Variants in PDE11A observed in about 807,000 individuals in gnomAD.
PDE11A encodes the protein phosphodiesterase 11A.
PDE11A carries 100 observed loss-of-function variants against 100.5 expected under a neutral mutation model. That is an observed-to-expected ratio of 1.00 (90% CI 0.85 to 1.18). PDE11A has a LOEUF of 1.18. Ranked by LOEUF, PDE11A falls within the 50% of genes most tolerant of loss-of-function variation. The pLI is 0.00. For missense variants in PDE11A, 1,141 were observed against 1,152.6 expected (o/e 0.99, Z 0.15); for synonymous variants, 381 against 420.8 (o/e 0.91, Z 1.16).
At chr2:178,046,786 T>C (rs1036590893) in intron 1 of PDE11A, among the ~76,000 whole-genome samples, 2 of 152,170 alleles carry the variant, frequency 1.3e-5, no homozygotes, top group African/African-American at 4.8e-5. Flanking sequence ...AAGTGGTAAA[T>C]TTATTTCTGT....
intron 10 of PDE11A, among the ~76,000 whole-genome samples, chr2:177,756,697 T>C (rs1016685763): frequency 3.3e-5 from 5 of 152,226 alleles, no homozygotes; most frequent in African/African-American, 7.2e-5. Context: ...AGCACAGGAA[T>C]TGTTTGAAAT....
intron 19 of PDE11A, among the ~76,000 whole-genome samples, chr2:177,631,605 G>GTATA (rs1203352574): frequency 9.9e-6 from 1 of 101,252 alleles, no homozygotes; most frequent in African/African-American, 4.5e-5. Context: ...ATATATGTGT[G>GTATA]TATATATATA....
chr2:177,944,221 C>G (rs1009593508), intron 2 of PDE11A, among the ~76,000 whole-genome samples: 1 of 152,188 alleles, frequency 6.6e-6, no homozygotes, highest in Non-Finnish European at 1.5e-5. Flanking sequence ...CCCATCTTTT[C>G]CTTCCATCCT....
rs376362908 is a variant in PDE11A at position 177,829,090 on chromosome 2, A to G, written c.1501-8795T>C. 2.0e-5 allele frequency among the ~76,000 whole-genome samples: 3 copies of G among 152,190 alleles called. No homozygotes were observed. In the East Asian group the frequency reaches 5.8e-4, roughly 29 times the overall value. ...TGGACTTCCTGATGAATTCATGTTCAACATCAGAGAAAGGGAGAATCATGC... is the reference window on the plus strand; with the variant it reads ...TGGACTTCCTGATGAATTCATGTTCGACATCAGAGAAAGGGAGAATCATGC... On this transcript the variant is annotated intron_variant, in intron 6 of 19. Transcript: ENST00000286063.
intron 2 of PDE11A, chr2:177,998,482 G>A (rs1270438265): frequency 5.8e-6 from 8 of 1,368,816 alleles, no homozygotes; most frequent in South Asian, 3.5e-5. Flanking sequence ...TCTGCCACTC[G>A]AGGAAGATTT....
intron 2 of PDE11A, among the ~76,000 whole-genome samples, chr2:178,008,119 T>TC (rs1369000545): frequency 6.6e-6 from 1 of 152,224 alleles, no homozygotes; most frequent in Non-Finnish European, 1.5e-5. Flanking sequence ...AATTAGTTAT[T>TC]CTTTTTTTAG....
rs115808214 is a variant in PDE11A, at chr2:177,744,659, T to C, written c.1789-16487A>G. 6.2e-3 allele frequency among the ~76,000 whole-genome samples: 942 copies of C among 152,332 alleles called. 5 individuals are homozygous for C. Among genetic ancestry groups the C allele is most frequent in the African/African-American group, 0.022 (899 of 41,574 alleles). Reference sequence around the variant, plus strand: ...GTATTATTTCCAGTATCCACTTTCCTACATGTGAGAGGATTCTACATAAGC... The same window carrying C: ...GTATTATTTCCAGTATCCACTTTCCCACATGTGAGAGGATTCTACATAAGC... On this transcript the variant is annotated intron_variant, in intron 10 of 19. Transcript: ENST00000286063.
intron 10 of PDE11A, among the ~76,000 whole-genome samples, chr2:177,743,415 T>C (rs1054264368): frequency 1.3e-4 from 20 of 152,104 alleles, no homozygotes; most frequent in African/African-American, 4.6e-4. Flanking sequence ...GAGAAAGAAA[T>C]TGGGTCATCA....
intron 19 of PDE11A, among the ~76,000 whole-genome samples, chr2:177,656,353 T>C (rs911060027): frequency 6.6e-6 from 1 of 152,230 alleles, no homozygotes; most frequent in East Asian, 1.9e-4. Context: ...CTGGGAGCAA[T>C]AGGCTATCCC....
chr2:177,918,410 T>C lies in PDE11A; in HGVS notation c.1072-13223A>G, dbSNP rs201028519. 5.3e-5 allele frequency among the ~76,000 whole-genome samples: 8 copies of C among 152,180 alleles called. No homozygotes were observed. In the East Asian group the frequency reaches 1.4e-3, roughly 26 times the overall value. Reference sequence around the variant, plus strand: ...TATTTATTTTGAGGGCTCAATTACATACAAAGTAAGCAGAAAGAATAAATG... The same window carrying C: ...TATTTATTTTGAGGGCTCAATTACACACAAAGTAAGCAGAAAGAATAAATG... On this transcript the variant is annotated intron_variant, in intron 2 of 19. Transcript: ENST00000286063.
chr2:177,782,355 C>CA (rs1321220013), intron 9 of PDE11A, among the ~76,000 whole-genome samples: 2 of 151,976 alleles, frequency 1.3e-5, no homozygotes, highest in African/African-American at 4.8e-5. Context: ...ATTAAGTTGC[C>CA]AAAAAGTGGT....
intron 1 of PDE11A, among the ~76,000 whole-genome samples, chr2:178,050,186 T>C (rs4302244): frequency 0.29 from 43,139 of 151,192 alleles, 5,952 homozygotes; most frequent in Non-Finnish European, 0.31. Context: ...ACATTTGCCG[T>C]TCTGCAATAT....
rs116138713 is a variant in PDE11A, at chr2:177,856,565, G to A, written c.1368-16182C>T. On this transcript the variant is annotated intron_variant, in intron 5 of 19. Coordinates refer to ENST00000286063, the MANE Select transcript of PDE11A (RefSeq NM_016953.4). ...ACTGAAAGGAAAATATGAGAAGGCT[G>A]TCTCCCAAATAAATAATATCAATAA... 7.3e-3 allele frequency among the ~76,000 whole-genome samples: 1,104 copies of A among 152,046 alleles called. 13 individuals are homozygous for A. Among genetic ancestry groups the A allele is most frequent in the African/African-American group, 0.025 (1,028 of 41,492 alleles).
chr2:177,856,297 T>C (rs1394158294), intron 5 of PDE11A, among the ~76,000 whole-genome samples: 1 of 151,992 alleles, frequency 6.6e-6, no homozygotes, highest in East Asian at 1.9e-4. Context: ...CAACAAACAT[T>C]AGATCGTGGG....
intron 1 of PDE11A, among the ~76,000 whole-genome samples, chr2:178,059,531 C>T (rs2086941401): frequency 6.6e-6 from 1 of 152,168 alleles, no homozygotes; most frequent in African/African-American, 2.4e-5. Flanking sequence ...CTAGAAAGAC[C>T]CCTGTTTTCA....
At chr2:177,636,224 G>A (rs1000837988) in intron 19 of PDE11A, among the ~76,000 whole-genome samples, 1 of 152,124 alleles carries the variant, frequency 6.6e-6, no homozygotes, top group Non-Finnish European at 1.5e-5. Flanking sequence ...GGTGGGTAGA[G>A]CTAAGAAGGA....
intron 2 of PDE11A, among the ~76,000 whole-genome samples, chr2:178,086,849 CACTA>C (rs1008185999): frequency 1.3e-5 from 2 of 152,172 alleles, no homozygotes; most frequent in Non-Finnish European, 2.9e-5. Context: ...TGAGGACTAA[CACTA>C]ACTGTTTGAC....
intron 10 of PDE11A, among the ~76,000 whole-genome samples, chr2:177,768,676 C>T (rs1275218892): frequency 6.6e-6 from 1 of 152,150 alleles, no homozygotes; most frequent in Non-Finnish European, 1.5e-5. Flanking sequence ...ATCTAACACT[C>T]ATTCATAGAC....
Position 177,856,684 on chromosome 2 carries a change from A to C in PDE11A, c.1368-16301T>G, listed in dbSNP as rs139885850. On this transcript the variant is annotated intron_variant, in intron 5 of 19. Transcript: ENST00000286063. The stretch of plus-strand genomic sequence containing the variant: ...AAAATTCACTAGGCTACCCAACAGC[A>C]TGTTTGAAAAGGCAGAAAAAAGCAT... 9.7e-3 allele frequency among the ~76,000 whole-genome samples: 1,474 copies of C among 152,220 alleles called. 21 individuals carry two copies. The highest frequency in any genetic ancestry group is 0.037 in the Middle Eastern group (11 of 294).
Sources: allele counts gnomAD v4.1 joint callset (sites outside exome capture counted in the v4.1 genomes callset), GRCh38; gene constraint gnomAD v4.1.1; transcripts MANE v1.5; gene names NCBI Gene and HGNC (gene_info 2026-07-23, HGNC 2026-07-21).